RUNDC3B: variants seen among roughly 807,000 people sequenced by gnomAD.
RUNDC3B encodes RUN domain-containing protein 3B.
RUNDC3B carries 33 observed loss-of-function variants against 58.4 expected under a neutral mutation model. That is an observed-to-expected ratio of 0.56 (90% CI 0.43 to 0.75). RUNDC3B has a LOEUF of 0.75. Ranked by LOEUF, RUNDC3B falls within the 30% of genes least tolerant of loss-of-function variation. RUNDC3B has a pLI of 0.00. For synonymous variants in RUNDC3B, 193 were observed against 195.2 expected (o/e 0.99, Z 0.10); for missense variants, 501 against 535.7 (o/e 0.94, Z 0.64).
chr7:87,677,306 CA>C (rs1826468752), intron 2 of RUNDC3B, among the ~76,000 whole-genome samples: 1 of 148,354 alleles, frequency 6.7e-6, no homozygotes, highest in Non-Finnish European at 1.5e-5. Flanking sequence ...CACACACACA[CA>C]CACCACAATG....
intron 8 of RUNDC3B, among the ~76,000 whole-genome samples, chr7:87,790,405 A>G (rs1180810344): frequency 6.6e-6 from 1 of 152,166 alleles, no homozygotes; most frequent in Non-Finnish European, 1.5e-5. Flanking sequence ...AAAGACTACA[A>G]TAAATAGTTA....
intron 4 of RUNDC3B, among the ~76,000 whole-genome samples, chr7:87,734,407 C>G (rs1427823249): frequency 2.0e-5 from 3 of 152,120 alleles, no homozygotes; most frequent in Non-Finnish European, 4.4e-5. Context: ...AGCAAAGAAG[C>G]CAGTCACAAA....
intron 6 of RUNDC3B, among the ~76,000 whole-genome samples, chr7:87,751,959 C>A (rs540181788): frequency 3.9e-5 from 6 of 152,244 alleles, no homozygotes; most frequent in African/African-American, 1.4e-4. Flanking sequence ...TGCCAGTTTT[C>A]AAAGGGAATG....
At chr7:87,683,342 G>T (rs778573455) in intron 2 of RUNDC3B, among the ~76,000 whole-genome samples, 2 of 151,978 alleles carry the variant, frequency 1.3e-5, no homozygotes, top group Non-Finnish European at 2.9e-5. Context: ...CTTTTTCTTT[G>T]TATTCACCAC....
chr7:87,702,834 A>G (rs1829213233), intron 3 of RUNDC3B, among the ~76,000 whole-genome samples: 1 of 152,184 alleles, frequency 6.6e-6, no homozygotes, highest in Admixed American at 6.5e-5. Context: ...CATTTAATGC[A>G]AATATTCCAA....
chr7:87,754,963 C>T (rs1284669037), intron 6 of RUNDC3B, among the ~76,000 whole-genome samples: 3 of 136,582 alleles, frequency 2.2e-5, no homozygotes, highest in Non-Finnish European at 4.8e-5. Flanking sequence ...AAAAAAAAAG[C>T]CCAGAACCTG....
intron 6 of RUNDC3B, among the ~76,000 whole-genome samples, chr7:87,761,998 T>A (rs948282017): frequency 1.3e-5 from 2 of 151,764 alleles, no homozygotes; most frequent in Non-Finnish European, 3.0e-5. Flanking sequence ...TGGGGCTTGA[T>A]CTTAAAATAT....
intron 7 of RUNDC3B, among the ~76,000 whole-genome samples, chr7:87,770,990 A>C (rs1049414392): frequency 2.0e-5 from 3 of 152,166 alleles, no homozygotes; most frequent in Admixed American, 2.0e-4. Context: ...AAGCAGCTTA[A>C]TTTATGTATT....
chr7:87,706,455 G>T (rs968651988), intron 3 of RUNDC3B, among the ~76,000 whole-genome samples: 5 of 152,138 alleles, frequency 3.3e-5, no homozygotes, highest in Non-Finnish European at 4.4e-5. Context: ...AAACAATCAG[G>T]TTCCAGTGAT....
At position 87,628,616 on chromosome 7, in the gene RUNDC3B, TGTGTG is replaced by T. The variant is rs1483864559; in HGVS notation, c.-207_-203del. On this transcript the variant is annotated 5_prime_UTR_variant, in exon 1 of 11. Coordinates refer to ENST00000394654, the MANE Select transcript of RUNDC3B (RefSeq NM_001134405.2). ...GTGTGTGTGTGTGTGTGTGTGTGTG[TGTGTG>T]TGTGGAGCTCGGGTGCCAAGGGCGA... 9 of 315,328 alleles carry T rather than the reference TGTGTG, an allele frequency of 2.9e-5. No homozygotes were observed. The highest frequency in any genetic ancestry group is 2.0e-4 in the African/African-American group (9 of 44,476). 19.5% of individuals were successfully genotyped at this position (315,328 alleles called of 1,614,324 possible).
At chr7:87,762,314 C>T (rs948166684) in intron 6 of RUNDC3B, among the ~76,000 whole-genome samples, 4 of 151,138 alleles carry the variant, frequency 2.6e-5, no homozygotes, top group African/African-American at 9.7e-5. Flanking sequence ...CTGGAATAAA[C>T]CTATTGTGAA....
intron 1 of RUNDC3B, among the ~76,000 whole-genome samples, chr7:87,633,950 C>G (rs1305217693): frequency 1.3e-5 from 2 of 152,066 alleles, no homozygotes; most frequent in African/African-American, 4.8e-5. Context: ...GTACAAAAAC[C>G]GTGGCCCCGG....
intron 8 of RUNDC3B, among the ~76,000 whole-genome samples, chr7:87,796,721 A>G (rs556067260): frequency 3.3e-5 from 5 of 152,332 alleles, no homozygotes; most frequent in East Asian, 3.9e-4. Flanking sequence ...TTCAAAAATA[A>G]GAGAGACGTT....
chr7:87,649,631 ATAGTACACTT>A (rs1585000546), intron 1 of RUNDC3B, among the ~76,000 whole-genome samples: 1 of 152,206 alleles, frequency 6.6e-6, no homozygotes, highest in East Asian at 1.9e-4. Context: ...AAGGAAAAAT[ATAGTACACTT>A]TACAGATTTG....
At chr7:87,749,393 T>G (rs1447205284) in intron 6 of RUNDC3B, among the ~76,000 whole-genome samples, 1 of 152,198 alleles carries the variant, frequency 6.6e-6, no homozygotes, top group Non-Finnish European at 1.5e-5. Context: ...AATCCAAACA[T>G]GTATATATAC....
chr7:87,628,552 G>A lies in RUNDC3B; in HGVS notation c.-272G>A, dbSNP rs548808913. On this transcript the variant is annotated 5_prime_UTR_variant, in exon 1 of 11. Coordinates refer to ENST00000394654, the MANE Select transcript of RUNDC3B (RefSeq NM_001134405.2). ...CCGCAGGCGCAGCCCGGCAGTCGGC[G>A]GCGCGCCGAGGGCGGAGGTGGTGCG... 313 of 314,000 alleles carry A rather than the reference G, an allele frequency of 1.0e-3. No homozygotes were observed. Among genetic ancestry groups the A allele is most frequent in the African/African-American group, 6.4e-3 (298 of 46,236 alleles). The allele number at this position is 314,000 out of a possible 1,614,324, so 19.5% of individuals were successfully genotyped here.
chr7:87,771,418 A>G (rs924279477), intron 7 of RUNDC3B, among the ~76,000 whole-genome samples: 1 of 152,304 alleles, frequency 6.6e-6, no homozygotes, highest in South Asian at 2.1e-4. Flanking sequence ...TCCAAATTAC[A>G]TAGCTATAAA....
intron 2 of RUNDC3B, among the ~76,000 whole-genome samples, chr7:87,666,271 G>T (rs1452734489): frequency 6.6e-6 from 1 of 152,014 alleles, no homozygotes; most frequent in Non-Finnish European, 1.5e-5. Context: ...TATGCTTGTG[G>T]GCCGTGTGTA....
At chr7:87,708,169 T>C (rs1463823550) in intron 3 of RUNDC3B, among the ~76,000 whole-genome samples, 4 of 152,000 alleles carry the variant, frequency 2.6e-5, no homozygotes, top group Admixed American at 2.0e-4. Flanking sequence ...TTCAATAAAA[T>C]TGAAACAAAT....
Sources: gnomAD v4.1 joint callset for allele counts (sites outside exome capture counted in the v4.1 genomes callset) on GRCh38, gnomAD v4.1.1 for gene constraint, MANE v1.5 for transcripts, NCBI Gene and HGNC (gene_info 2026-07-23, HGNC 2026-07-21) for gene names.